Variants in CREB5 observed in about 807,000 individuals in gnomAD.
CREB5 encodes cyclic AMP-responsive element-binding protein 5.
A neutral mutation model predicts 57.1 loss-of-function variants in CREB5; 19 were observed. The ratio of observed to expected loss-of-function variants is 0.33; its 90% CI spans 0.23 to 0.49. The LOEUF is 0.49. CREB5 is among the 20% of genes least tolerant of loss of function. The pLI is 0.99. For synonymous variants in CREB5, 238 were observed against 238.3 expected (o/e 1.00, Z 0.01); for missense variants, 579 against 671.6 (o/e 0.86, Z 1.52).
At chr7:28,701,814 A>G (rs974572185) in intron 5 of CREB5, among the ~76,000 whole-genome samples, 1 of 152,250 alleles carries the variant, frequency 6.6e-6, no homozygotes, top group Non-Finnish European at 1.5e-5. Flanking sequence ...GAATTGTATC[A>G]GTTTCCAGGA....
At chr7:28,393,113 G>C (rs1787256394) in intron 1 of CREB5, among the ~76,000 whole-genome samples, 1 of 152,118 alleles carries the variant, frequency 6.6e-6, no homozygotes, top group Admixed American at 6.5e-5. Context: ...TTTTAGTAGA[G>C]ACGGAGTTTC....
chr7:28,603,373 G>A (rs974231960), intron 5 of CREB5, among the ~76,000 whole-genome samples: 4 of 152,162 alleles, frequency 2.6e-5, no homozygotes, highest in Non-Finnish European at 5.9e-5. Context: ...ACATGATCTG[G>A]TATGTTTGTT....
upstream of CREB5, among the ~76,000 whole-genome samples, chr7:28,411,562 G>T (rs1285730972): frequency 7.1e-6 from 1 of 140,628 alleles, no homozygotes; most frequent in East Asian, 2.4e-4. Context: ...TGTGGGGGGT[G>T]GGGGGGTGGG....
chr7:28,345,379 C>A (rs1239458279), intron 1 of CREB5, among the ~76,000 whole-genome samples: 2 of 151,738 alleles, frequency 1.3e-5, no homozygotes, highest in Non-Finnish European at 2.9e-5. Context: ...TGTTTCCAAC[C>A]ACAATGATAT....
In CREB5 at chr7:28,306,541, G is replaced by GTTTTTTTTTT. The variant is rs199561235; in HGVS notation, c.-25+7104_-25+7105insTTTTTTTTTT. On this transcript the variant is annotated intron_variant, in intron 1 of 9. Transcript: ENST00000396299. ...ACTGGTGCCAGTACATACAGATACAGTTTTGTTTTTTTTGTTTTTTTTTTT... is the reference window on the plus strand; with the variant it reads ...ACTGGTGCCAGTACATACAGATACAGTTTTTTTTTTTTTTGTTTTTTTTGTTTTTTTTTTT... 3.8e-4 allele frequency among the ~76,000 whole-genome samples: 17 copies of GTTTTTTTTTT among 44,446 alleles called. 3 individuals carry two copies. The highest frequency in any genetic ancestry group is 9.3e-4 in the African/African-American group (12 of 12,942). 29.2% of individuals were successfully genotyped at this position (44,446 alleles called of 152,430 possible). A position where few individuals can be genotyped will look rare whatever the true frequency, so the allele number is the denominator to read the frequency against.
chr7:28,443,472 A>G (rs909277708), intron 1 of CREB5, among the ~76,000 whole-genome samples: 3 of 152,214 alleles, frequency 2.0e-5, no homozygotes, highest in Admixed American at 6.5e-5. Flanking sequence ...ATTTGAAAAA[A>G]TTCCAGAACC....
chr7:28,443,192 C>T (rs1266259313), intron 1 of CREB5, among the ~76,000 whole-genome samples: 1 of 152,180 alleles, frequency 6.6e-6, no homozygotes, highest in African/African-American at 2.4e-5. Context: ...GCAGCATCAG[C>T]CTCATGTTCA....
intron 1 of CREB5, among the ~76,000 whole-genome samples, chr7:28,323,741 G>A (rs1280260049): frequency 6.6e-6 from 1 of 152,160 alleles, no homozygotes; most frequent in Non-Finnish European, 1.5e-5. Context: ...GATTATTCAA[G>A]TGCAGTACCT....
chr7:28,550,929 G>C (rs773293220), intron 4 of CREB5, among the ~76,000 whole-genome samples: 1 of 152,140 alleles, frequency 6.6e-6, no homozygotes. Flanking sequence ...AAACAACGCC[G>C]GCTGAAGGCT....
At chr7:28,672,881 A>G (rs1330920987) in intron 5 of CREB5, among the ~76,000 whole-genome samples, 5 of 152,366 alleles carry the variant, frequency 3.3e-5, no homozygotes, top group Middle Eastern at 3.4e-3. Context: ...TTGTATTAAC[A>G]AAGTACTTTG....
intron 7 of CREB5, among the ~76,000 whole-genome samples, chr7:28,800,821 G>A (rs564607576): frequency 9.2e-5 from 14 of 152,180 alleles, no homozygotes; most frequent in East Asian, 3.9e-4. Context: ...GCCCCTTCTC[G>A]CGCTTTCTGC....
chr7:28,454,780 G>C (rs1790015974), intron 1 of CREB5, among the ~76,000 whole-genome samples: 1 of 152,166 alleles, frequency 6.6e-6, no homozygotes, highest in African/African-American at 2.4e-5. Flanking sequence ...GGACTGAGTT[G>C]AGTTGGTATG....
At chr7:28,427,687 A>G (rs1270646338) in intron 1 of CREB5, among the ~76,000 whole-genome samples, 1 of 151,982 alleles carries the variant, frequency 6.6e-6, no homozygotes, top group Non-Finnish European at 1.5e-5. Context: ...CCTGCCTCCC[A>G]TGAACTCTGC....
intron 1 of CREB5, among the ~76,000 whole-genome samples, chr7:28,455,554 G>C (rs946328475): frequency 6.6e-6 from 1 of 152,236 alleles, no homozygotes; most frequent in East Asian, 1.9e-4. Flanking sequence ...GTAGTGGCAA[G>C]AGATTCAGAA....
intron 1 of CREB5, among the ~76,000 whole-genome samples, chr7:28,386,104 C>T (rs1000787844): frequency 2.0e-5 from 3 of 152,126 alleles, no homozygotes; most frequent in South Asian, 2.1e-4. Flanking sequence ...TTTATAGTAT[C>T]AATGTTTCTT....
At chr7:28,414,965 AT>A (rs1787968824) in intron 1 of CREB5, among the ~76,000 whole-genome samples, 1 of 152,078 alleles carries the variant, frequency 6.6e-6, no homozygotes, top group African/African-American at 2.4e-5. Flanking sequence ...ACATTTCAAT[AT>A]TTCTTTTTTC....
intron 4 of CREB5, among the ~76,000 whole-genome samples, chr7:28,517,185 G>A (rs796782105): frequency 5.3e-5 from 8 of 152,208 alleles, no homozygotes; most frequent in Non-Finnish European, 8.8e-5. Flanking sequence ...TCACAGAGAC[G>A]TGAAAAAAAC....
chr7:28,805,709 A>AGAATGAGATAACCTTAATTTTTTTCCTGC (rs1808685022), intron 8 of CREB5, among the ~76,000 whole-genome samples: 1 of 141,714 alleles, frequency 7.1e-6, no homozygotes, highest in Non-Finnish European at 1.5e-5. Flanking sequence ...ATTGAGCATT[A>AGAATGAGATAACCTTAATTTTTTTCCTGC]GAATGAGATA....
intron 1 of CREB5, among the ~76,000 whole-genome samples, chr7:28,445,590 T>C (rs375748109): frequency 2.4e-3 from 362 of 152,070 alleles, no homozygotes; most frequent in African/African-American, 5.1e-3. Context: ...CTCGCTCTGT[T>C]GCCCAGGCTG....
Sources: allele counts gnomAD v4.1 joint callset (sites outside exome capture counted in the v4.1 genomes callset), GRCh38; gene constraint gnomAD v4.1.1; transcripts MANE v1.5; gene names NCBI Gene and HGNC (gene_info 2026-07-23, HGNC 2026-07-21).